The following KCNK12 variants were observed in gnomAD, a reference collection of about 807,000 sequenced individuals.
KCNK12 encodes potassium channel subfamily K member 12.
A neutral mutation model predicts 25.3 loss-of-function variants in KCNK12; 6 were observed. That is an observed-to-expected ratio of 0.24 (90% CI 0.13 to 0.47). The LOEUF is 0.47. Among genes scored for constraint, KCNK12 ranks in the 20% least tolerant of loss-of-function variants. The probability of loss-of-function intolerance (pLI) is 0.99; values close to 1 mark genes in which losing one functional copy is unlikely to be tolerated. For synonymous variants in KCNK12, 331 were observed against 311.1 expected (o/e 1.06, Z -0.67); for missense variants, 444 against 661.7 (o/e 0.67, Z 3.61).
chr2:47,534,683 C>T (rs1362986914), intron 1 of KCNK12, among the ~76,000 whole-genome samples: 1 of 152,054 alleles, frequency 6.6e-6, no homozygotes, highest in Admixed American at 6.5e-5. Context: ...CCCACCTACC[C>T]CGTCCCTCAC....
intron 1 of KCNK12, among the ~76,000 whole-genome samples, chr2:47,536,118 G>A (rs2104794701): frequency 6.6e-6 from 1 of 152,224 alleles, no homozygotes; most frequent in South Asian, 2.1e-4. Flanking sequence ...CCAGTTGGTG[G>A]TATTGAGGCA....
At chr2:47,543,132 T>C (rs1021416501) in intron 1 of KCNK12, among the ~76,000 whole-genome samples, 1 of 152,148 alleles carries the variant, frequency 6.6e-6, no homozygotes, top group Non-Finnish European at 1.5e-5. Context: ...TTAATTTACT[T>C]GAGCAGATGT....
chr2:47,517,963 G>A lies in KCNK12; in HGVS notation c.*2944C>T, dbSNP rs1438064736. On this transcript the variant is annotated 3_prime_UTR_variant, in exon 2 of 2. Transcript: ENST00000327876. The surrounding 1 kb of genome is among the most constrained non-coding windows in gnomAD (Gnocchi z 4.1). ...AATCCTGGAGCATGAGGAAATTGTA[G>A]GCTACAGTGAGCTACCAGTGGTGTG... The A allele has an allele frequency of 6.6e-6, 1 of 152,228 alleles. No homozygotes were observed. Among genetic ancestry groups the A allele is most frequent in the Non-Finnish European group, 1.5e-5 (1 of 68,092 alleles). The allele number at this position is 152,228 out of a possible 1,614,324, so 9.4% of individuals were successfully genotyped here. A position where few individuals can be genotyped will look rare whatever the true frequency, so the allele number is the denominator to read the frequency against.
Position 47,512,160 on chromosome 2 carries a change from C to A in KCNK12, c.*8747G>T. The A allele has an allele frequency of 1.0e-6, 1 of 1,003,560 alleles. No individual in the cohort carries two copies. Among genetic ancestry groups the A allele is most frequent in the Non-Finnish European group, 1.4e-6 (1 of 702,312 alleles). The allele number at this position is 1,003,560 out of a possible 1,614,324, so 62.2% of individuals were successfully genotyped here. The stretch of plus-strand genomic sequence containing the variant: ...TCCTGCATCCAGATGGCTGGTCCTG[C>A]TCCTCCCAGTCCATGGAGAAAAAAG... On this transcript the variant is annotated 3_prime_UTR_variant, in exon 2 of 2. Coordinates refer to ENST00000327876, the MANE Select transcript of KCNK12 (RefSeq NM_022055.2).
At position 47,547,162 on chromosome 2, in the gene KCNK12, TCCTAG is replaced by T. The variant is rs1039881057; in HGVS notation, c.391+22774_391+22778del. ...CCTGTAAGCCCTCTCTTGCAGCTCC[TCCTAG>T]CTTAGCCTCCTTCATCTTCAAGGGC... On this transcript the variant is annotated intron_variant, in intron 1 of 1. Transcript: ENST00000327876. This position sits in a 1 kb window ranked among gnomAD's most constrained non-coding sequence, Gnocchi z 5.0. Among the ~76,000 whole-genome samples, 111 of 152,332 alleles carry T rather than the reference TCCTAG, an allele frequency of 7.3e-4. 1 individual carries two copies. Among genetic ancestry groups the T allele is most frequent in the African/African-American group, 2.6e-3 (108 of 41,570 alleles).
Position 47,512,665 on chromosome 2 carries a change from C to T in KCNK12, c.*8242G>A, listed in dbSNP as rs1031181749. The stretch of plus-strand genomic sequence containing the variant: ...GGGATGATGTGCCCTTGTACACCCA[C>T]TGCCTCTGAACTCTGCTCTGCATTG... On this transcript the variant is annotated 3_prime_UTR_variant, in exon 2 of 2. Transcript: ENST00000327876. The T allele has an allele frequency of 2.0e-6, 1 of 512,814 alleles. No individual in the cohort carries two copies. Among genetic ancestry groups the T allele is most frequent in the African/African-American group, 1.9e-5 (1 of 52,156 alleles). The allele number at this position is 512,814 out of a possible 1,614,324, so 31.8% of individuals were successfully genotyped here. A position where few individuals can be genotyped will look rare whatever the true frequency, so the allele number is the denominator to read the frequency against.
rs1189434638 is a variant in KCNK12, at chr2:47,548,748, G to A, written c.391+21193C>T. ...TAGTTCAGGATTATGGTCCCTGAGA[G>A]AAGGGAAACAAACAAGGTGAGCCCT... On this transcript the variant is annotated intron_variant, in intron 1 of 1. Transcript: ENST00000327876. This position sits in a 1 kb window ranked among gnomAD's most constrained non-coding sequence, Gnocchi z 4.4. 1.3e-5 allele frequency among the ~76,000 whole-genome samples: 2 copies of A among 152,236 alleles called. No individual in the cohort carries two copies. The highest frequency in any genetic ancestry group is 1.3e-4 in the Admixed American group (2 of 15,288).
chr2:47,544,210 C>G (rs1004411857), intron 1 of KCNK12, among the ~76,000 whole-genome samples: 1 of 152,224 alleles, frequency 6.6e-6, no homozygotes, highest in Non-Finnish European at 1.5e-5. Context: ...CATTCCCCAT[C>G]AGCATACACG....
chr2:47,521,181 CG>C lies in KCNK12; in HGVS notation c.1018del (p.Arg340GlyfsTer80). On this transcript the variant is annotated frameshift_variant, in exon 2 of 2. Coordinates refer to ENST00000327876, the MANE Select transcript of KCNK12 (RefSeq NM_022055.2). LOFTEE classifies it high-confidence loss of function. ...ARRNAITPGS[R>X]LRRRLAALGA... ...GAGCGCGGCCAGGCGGCGGCGCAGC[CG>C]GGAGCCTGGGGTGATGGCATTGCGC... 7.6e-7 allele frequency: 1 copy of C among 1,321,276 alleles called. No homozygotes were observed. The highest frequency in any genetic ancestry group is 9.6e-7 in the Non-Finnish European group (1 of 1,038,764). 81.8% of individuals were successfully genotyped at this position (1,321,276 alleles called of 1,614,324 possible). A position where few individuals can be genotyped will look rare whatever the true frequency, so the allele number is the denominator to read the frequency against.
Position 47,570,978 on chromosome 2 carries a change from G to A in KCNK12, c.-647C>T, listed in dbSNP as rs1669901944. 1 of 152,206 alleles carries A rather than the reference G, an allele frequency of 6.6e-6. No individual in the cohort carries two copies. 9.4% of individuals were successfully genotyped at this position (152,206 alleles called of 1,614,324 possible). A position where few individuals can be genotyped will look rare whatever the true frequency, so the allele number is the denominator to read the frequency against. On this transcript the variant is annotated 5_prime_UTR_variant, in exon 1 of 2. Transcript: ENST00000327876. ...AAGAGCCGCCCGGCAGGGAGAGGCGGAGTCACTGGCGCCCGGGGCGGGGTG... is the reference window on the plus strand; with the variant it reads ...AAGAGCCGCCCGGCAGGGAGAGGCGAAGTCACTGGCGCCCGGGGCGGGGTG...
chr2:47,570,310 G>C lies in KCNK12; in HGVS notation c.22C>G (p.Pro8Ala). The C allele has an allele frequency of 7.5e-7, 1 of 1,340,014 alleles. No homozygotes were observed. The highest frequency in any genetic ancestry group is 9.5e-7 in the Non-Finnish European group (1 of 1,048,768). The allele number at this position is 1,340,014 out of a possible 1,614,324, so 83.0% of individuals were successfully genotyped here. A position where few individuals can be genotyped will look rare whatever the true frequency, so the allele number is the denominator to read the frequency against. Reference sequence around the variant, plus strand: ...CGGCGGCGGCTACGGCGGGGCGGGGGCCGGGGGCTGCGGGAGGACATGGTC... The same window carrying C: ...CGGCGGCGGCTACGGCGGGGCGGGGCCCGGGGGCTGCGGGAGGACATGGTC... MSSRSPR[P>A]PPRRSRRRLP... Residue 8 changes from proline (P) to alanine (A), a missense_variant, in exon 1 of 2, where the codon CCC (proline) becomes GCC (alanine). Transcript: ENST00000327876.
At chr2:47,536,929 T>C (rs1573639053) in intron 1 of KCNK12, among the ~76,000 whole-genome samples, 1 of 152,362 alleles carries the variant, frequency 6.6e-6, no homozygotes, top group African/African-American at 2.4e-5. Flanking sequence ...GAGGGATGTT[T>C]GGTCTTTTTA....
intron 1 of KCNK12, among the ~76,000 whole-genome samples, chr2:47,567,728 G>A (rs752801426): frequency 2.6e-5 from 4 of 152,196 alleles, no homozygotes; most frequent in Admixed American, 6.5e-5. Context: ...TGGAAGCAAC[G>A]TGCTGGGTCA....
intron 1 of KCNK12, among the ~76,000 whole-genome samples, chr2:47,526,191 T>C (rs1318121562): frequency 6.8e-6 from 1 of 147,692 alleles, no homozygotes; most frequent in Non-Finnish European, 1.5e-5. Context: ...GGTCAGGAGT[T>C]CAAGACCAGC....
chr2:47,551,926 A>G lies in KCNK12; in HGVS notation c.391+18015T>C, dbSNP rs1669442183. 6.6e-6 allele frequency among the ~76,000 whole-genome samples: 1 copy of G among 151,530 alleles called. No homozygotes were observed. The highest frequency in any genetic ancestry group is 2.4e-5 in the African/African-American group (1 of 40,844). ...GGGCCTTGTAGATACTGGCTCATTC[A>G]ATCCTGCAACCCAGAGGAGCTGGGC... is the stretch of plus-strand genomic sequence containing the variant. On this transcript the variant is annotated intron_variant, in intron 1 of 1. Transcript: ENST00000327876. The surrounding 1 kb of genome is among the most constrained non-coding windows in gnomAD (Gnocchi z 5.3).
At position 47,562,970 on chromosome 2, in the gene KCNK12, A is replaced by G. The variant is rs554235700; in HGVS notation, c.391+6971T>C. ...GGAAAGTCAGTGGAACTGGACGGAA[A>G]AAATGGAAGGGCCAGAAAACTTGGG... is the stretch of plus-strand genomic sequence containing the variant. On this transcript the variant is annotated intron_variant, in intron 1 of 1. Coordinates refer to ENST00000327876, the MANE Select transcript of KCNK12 (RefSeq NM_022055.2). This position sits in a 1 kb window ranked among gnomAD's most constrained non-coding sequence, Gnocchi z 4.8. 66 of 233,578 alleles carry G rather than the reference A, an allele frequency of 2.8e-4. 2 individuals carry two copies. In the South Asian group the frequency reaches 0.01, roughly 36 times the overall value. The allele number at this position is 233,578 out of a possible 1,614,324, so 14.5% of individuals were successfully genotyped here. A position where few individuals can be genotyped will look rare whatever the true frequency, so the allele number is the denominator to read the frequency against.
rs1044440370 is a variant in KCNK12, at chr2:47,533,709, G to A, written c.392-11901C>T. 6.6e-6 allele frequency among the ~76,000 whole-genome samples: 1 copy of A among 152,232 alleles called. No individual in the cohort carries two copies. Among genetic ancestry groups the A allele is most frequent in the East Asian group, 1.9e-4 (1 of 5,200 alleles). ...TCCAGTCCCCAAAGTGAGAGTGTGTGTGTGTGGGAGAGATATTTTTAAATG... is the reference window on the plus strand; with the variant it reads ...TCCAGTCCCCAAAGTGAGAGTGTGTATGTGTGGGAGAGATATTTTTAAATG... On this transcript the variant is annotated intron_variant, in intron 1 of 1. Coordinates refer to ENST00000327876, the MANE Select transcript of KCNK12 (RefSeq NM_022055.2). The surrounding 1 kb of genome is among the most constrained non-coding windows in gnomAD (Gnocchi z 4.7).
intron 1 of KCNK12, among the ~76,000 whole-genome samples, chr2:47,532,046 CAAA>C (rs907601148): frequency 2.0e-5 from 3 of 151,430 alleles, no homozygotes; most frequent in Non-Finnish European, 4.4e-5. Flanking sequence ...GACTCCGTCT[CAAA>C]AAAAACCCCC....
rs1301765784 is a variant in KCNK12 at position 47,556,890 on chromosome 2, T to G, written c.391+13051A>C. ...GTGAGATGTTTAGAGTCAAAAACTT[T>G]GAAGGTAATGCAGTTACTAGTAATA... On this transcript the variant is annotated intron_variant, in intron 1 of 1. Coordinates refer to ENST00000327876, the MANE Select transcript of KCNK12 (RefSeq NM_022055.2). The surrounding 1 kb of genome is among the most constrained non-coding windows in gnomAD (Gnocchi z 4.8). Among the ~76,000 whole-genome samples the G allele has an allele frequency of 6.6e-6, 1 of 152,106 alleles. No homozygotes were observed. Among genetic ancestry groups the G allele is most frequent in the Non-Finnish European group, 1.5e-5 (1 of 68,026 alleles).
Sources: gnomAD v4.1 joint callset for allele counts (sites outside exome capture counted in the v4.1 genomes callset) on GRCh38, gnomAD v4.1.1 for gene constraint, Gnocchi (gnomAD v3.1) non-coding constraint, MANE v1.5 for transcripts, NCBI Gene and HGNC (gene_info 2026-07-23, HGNC 2026-07-21) for gene names.